BRINP3: variants seen among roughly 807,000 people sequenced by gnomAD.
The protein encoded by BRINP3 is BMP/retinoic acid-inducible neural-specific protein 3.
In BRINP3, 19 loss-of-function variants were observed where a neutral mutation model predicts 71.0. The observed-to-expected ratio is 0.27, with a 90% CI of 0.19 to 0.39. The LOEUF is 0.39. BRINP3 is among the 10% of genes least tolerant of loss of function. BRINP3 has a pLI of 1.00. For synonymous variants in BRINP3, 380 were observed against 337.7 expected (o/e 1.13, Z -1.37); for missense variants, 959 against 940.8 (o/e 1.02, Z -0.25).
rs74431980 is a variant in BRINP3 at position 190,440,684 on chromosome 1, C to T, written c.236+13971G>A. ...AAAGCATGAAACCTCAGTTCTATAA[C>T]GTCAACTTATCACTCTATCCAACTA... On this transcript the variant is annotated intron_variant, in intron 2 of 7. Coordinates refer to ENST00000367462, the MANE Select transcript of BRINP3 (RefSeq NM_199051.3). 5.9e-5 allele frequency among the ~76,000 whole-genome samples: 9 copies of T among 152,108 alleles called. No individual in the cohort carries two copies. The East Asian group carries it at 1.2e-3, about 20-fold the overall frequency.
chr1:190,405,781 C>G (rs936348391), intron 2 of BRINP3, among the ~76,000 whole-genome samples: 2 of 152,140 alleles, frequency 1.3e-5, no homozygotes, highest in African/African-American at 4.8e-5. Context: ...ATTTCATTAG[C>G]AATCACCCTT....
At chr1:190,430,922 C>G (rs1674056137) in intron 2 of BRINP3, among the ~76,000 whole-genome samples, 1 of 151,868 alleles carries the variant, frequency 6.6e-6, no homozygotes, top group Admixed American at 6.6e-5. Context: ...CTACTTAAAT[C>G]TGTTTATCCT....
At chr1:190,364,874 C>T (rs1239215116) in intron 2 of BRINP3, among the ~76,000 whole-genome samples, 1 of 152,052 alleles carries the variant, frequency 6.6e-6, no homozygotes, top group African/African-American at 2.4e-5. Flanking sequence ...GAACAAGTTA[C>T]TGAGTGACAA....
In BRINP3 at chr1:190,206,435, T is replaced by C. The variant is rs1386496060; in HGVS notation, c.961+19647A>G. On this transcript the variant is annotated intron_variant, in intron 6 of 7. Transcript: ENST00000367462. ...TGTGACAATGGTAGAAATATAAATA[T>C]AAATTTCAAGACATTTTTAAGAAGT... Among the ~76,000 whole-genome samples the C allele has an allele frequency of 2.6e-5, 4 of 152,124 alleles. No homozygotes were observed. The East Asian group carries it at 7.8e-4, about 30-fold the overall frequency.
At chr1:190,371,504 G>A (rs978651105) in intron 2 of BRINP3, among the ~76,000 whole-genome samples, 1 of 152,000 alleles carries the variant, frequency 6.6e-6, no homozygotes, top group East Asian at 1.9e-4. Context: ...GTTTCTTTCT[G>A]GATTTTCATT....
intron 2 of BRINP3, among the ~76,000 whole-genome samples, chr1:190,329,267 AT>A (rs1402875540): frequency 1.3e-5 from 2 of 152,052 alleles, no homozygotes; most frequent in African/African-American, 4.8e-5. Flanking sequence ...ATTTAATTCT[AT>A]ACCTAGAAAA....
chr1:190,315,884 A>G (rs1665843936), intron 2 of BRINP3, among the ~76,000 whole-genome samples: 2 of 152,236 alleles, frequency 1.3e-5, no homozygotes, highest in South Asian at 4.1e-4. Context: ...TTCTAAACAC[A>G]CAGGCAAACA....
intron 4 of BRINP3, among the ~76,000 whole-genome samples, chr1:190,257,189 T>C (rs555671150): frequency 1.3e-5 from 2 of 152,344 alleles, no homozygotes; most frequent in East Asian, 3.9e-4. Flanking sequence ...CCGTTTCTTT[T>C]TACTCTTTTT....
chr1:190,437,312 T>A (rs1013719885), intron 2 of BRINP3, among the ~76,000 whole-genome samples: 1 of 151,766 alleles, frequency 6.6e-6, no homozygotes, highest in Non-Finnish European at 1.5e-5. Flanking sequence ...ACAAACAGCC[T>A]CCATGCAAAC....
chr1:190,284,948 G>T (rs773213393), intron 2 of BRINP3, among the ~76,000 whole-genome samples: 1 of 151,994 alleles, frequency 6.6e-6, no homozygotes, highest in African/African-American at 2.4e-5. Flanking sequence ...ACACCATTGT[G>T]TATATCCAAA....
chr1:190,447,622 C>A (rs8179508), intron 2 of BRINP3, among the ~76,000 whole-genome samples: 84,430 of 144,228 alleles, frequency 0.59, 24,991 homozygotes, highest in Middle Eastern at 0.61. Flanking sequence ...CTCTCTCTCT[C>A]TATATATATA....
chr1:190,229,834 C>G (rs1657787103), intron 5 of BRINP3, among the ~76,000 whole-genome samples: 1 of 151,754 alleles, frequency 6.6e-6, no homozygotes, highest in African/African-American at 2.4e-5. Context: ...AATTTTCACT[C>G]AAAACAGAAT....
chr1:190,169,881 C>A (rs1268344849), intron 6 of BRINP3, among the ~76,000 whole-genome samples: 1 of 151,842 alleles, frequency 6.6e-6, no homozygotes, highest in Non-Finnish European at 1.5e-5. Flanking sequence ...ATGGATTAGC[C>A]CGTTTAATCC....
chr1:190,263,521 T>G (rs776172246), intron 4 of BRINP3, among the ~76,000 whole-genome samples: 1 of 151,984 alleles, frequency 6.6e-6, no homozygotes, highest in Admixed American at 6.6e-5. Context: ...CAAAAAGATA[T>G]ACTTGGAGCA....
intron 2 of BRINP3, among the ~76,000 whole-genome samples, chr1:190,337,666 G>T (rs930222166): frequency 6.6e-6 from 1 of 152,086 alleles, no homozygotes; most frequent in African/African-American, 2.4e-5. Context: ...AAACTGAGCT[G>T]TCAGCTTCCC....
At chr1:190,242,655 G>A (rs896532669) in intron 4 of BRINP3, among the ~76,000 whole-genome samples, 3 of 151,928 alleles carry the variant, frequency 2.0e-5, no homozygotes, top group Admixed American at 2.0e-4. Flanking sequence ...TTTTTAAAAG[G>A]TAGTGTTTGG....
At chr1:190,180,907 T>C (rs2253618) in intron 6 of BRINP3, among the ~76,000 whole-genome samples, 80,280 of 151,778 alleles carry the variant, frequency 0.53, 22,559 homozygotes, top group African/African-American at 0.74. Flanking sequence ...TACTAATGAT[T>C]GTATTTTACA....
At chr1:190,287,799 TG>T (rs1414851737) in intron 2 of BRINP3, among the ~76,000 whole-genome samples, 1 of 152,158 alleles carries the variant, frequency 6.6e-6, no homozygotes, top group East Asian at 1.9e-4. Flanking sequence ...TTTTAAAGGA[TG>T]GTCTGGTTTA....
chr1:190,234,408 G>T lies in BRINP3; in HGVS notation c.688C>A (p.Leu230Met). 1 of 1,612,752 alleles carries T rather than the reference G, an allele frequency of 6.2e-7. No individual in the cohort carries two copies. The highest frequency in any genetic ancestry group is 1.1e-5 in the South Asian group (1 of 90,776). The change falls in exon 5 of 8, where the codon CTG becomes ATG. Residue 230 changes from leucine to methionine, a missense_variant. Physicochemically the swap from Leu to Met is conservative, Grantham distance 15. Transcript: ENST00000367462. Reference sequence around the variant, plus strand: ...ATCTTATTCTCAGGACTCTGAACCAGAACAGAACTGACAGAATCTAGGTTG... The same window carrying T: ...ATCTTATTCTCAGGACTCTGAACCATAACAGAACTGACAGAATCTAGGTTG... ...YDNLDSVSSV[L>M]VQSPENKIQL...
Sources: gnomAD v4.1 joint callset for allele counts (sites outside exome capture counted in the v4.1 genomes callset) on GRCh38, gnomAD v4.1.1 for gene constraint, MANE v1.5 for transcripts, NCBI Gene and HGNC (gene_info 2026-07-23, HGNC 2026-07-21) for gene names.